TNK1: variants seen among roughly 807,000 people sequenced by gnomAD.
TNK1 encodes tyrosine kinase non receptor 1.
Under a neutral mutation model 65.2 loss-of-function variants are expected in TNK1, and 53 were observed. The observed-to-expected ratio is 0.81, with a 90% CI of 0.65 to 1.02. The LOEUF is 1.02. TNK1 is among the 50% of genes least tolerant of loss of function. The pLI, the probability that TNK1 is intolerant of heterozygous loss-of-function variation, is 0.00. For missense variants in TNK1, 837 were observed against 878.4 expected, an observed-to-expected ratio of 0.95 and a Z score of 0.60; for synonymous variants, 353 against 364.6, an observed-to-expected ratio of 0.97 and a Z score of 0.36.
Position 7,387,104 on chromosome 17 carries a change from C to T in TNK1, c.1347C>T (p.Val449=), listed in dbSNP as rs770525313. Residue 449 remains valine, a synonymous_variant, in exon 9 of 13, where the codon GTC becomes GTT. Coordinates refer to ENST00000688331, the MANE Select transcript of TNK1 (RefSeq NM_003985.6). The part of the protein sequence containing the change: ...DAGGLPATRP[V]HRGTPARGDQ... ...GGGGCTTGCCAGCCACCCGTCCAGT[C>T]CACAGAGGCACCCCTGCCCGGGGAG... The T allele has an allele frequency of 6.2e-7, 1 of 1,609,608 alleles. No individual in the cohort carries two copies. The highest frequency in any genetic ancestry group is 8.5e-7 in the Non-Finnish European group (1 of 1,177,614).
rs1299116029 is a variant in TNK1 at position 7,388,229 on chromosome 17, C to T, written c.1478-177C>T. ...TGGCTTGAGTCCAGGAGTTTGAGAC[C>T]AGCCTGGGCAATGTGCCGAAACCCC... On this transcript the variant is annotated intron_variant, in intron 10 of 12. Transcript: ENST00000688331. This position sits in a 1 kb window ranked among gnomAD's most constrained non-coding sequence, Gnocchi z 4.5. 1.3e-5 allele frequency among the ~76,000 whole-genome samples: 2 copies of T among 152,190 alleles called. No individual in the cohort carries two copies. The highest frequency in any genetic ancestry group is 2.9e-5 in the Non-Finnish European group (2 of 68,038).
intron 7 of TNK1, among the ~76,000 whole-genome samples, chr17:7,385,722 G>GT (rs1905149975): frequency 6.6e-6 from 1 of 151,966 alleles, no homozygotes; most frequent in Non-Finnish European, 1.5e-5. Context: ...CTGCCACCAC[G>GT]CCTGGCTAAT....
At chr17:7,380,262 G>A (rs531838110), upstream of TNK1, among the ~76,000 whole-genome samples, 21 of 152,176 alleles carry the variant, frequency 1.4e-4, no homozygotes, top group Non-Finnish European at 3.1e-4. Flanking sequence ...ATGTTCACGC[G>A]TCCTTCCTTG....
Position 7,389,037 on chromosome 17 carries a change from C to T in TNK1, c.1939C>T (p.Gln647Ter), listed in dbSNP as rs1193582127. Reference sequence around the variant, plus strand: ...CTGCTGGCGCATCCTGGAGCATTACCAGTGGGACCTCTCAGCTGCCAGCCG... The same window carrying T: ...CTGCTGGCGCATCCTGGAGCATTACTAGTGGGACCTCTCAGCTGCCAGCCG... The part of the protein sequence containing the change: ...ADCWRILEHY[Q>*]WDLSAASRYV... The change falls in exon 13 of 13, where the codon CAG becomes TAG. Residue 647 changes from glutamine to a stop codon, truncating the protein, a stop_gained. Coordinates refer to ENST00000688331, the MANE Select transcript of TNK1 (RefSeq NM_003985.6). LOFTEE classifies it high-confidence loss of function. 1.3e-6 allele frequency: 2 copies of T among 1,554,914 alleles called. No homozygotes were observed. Among genetic ancestry groups the T allele is most frequent in the African/African-American group, 1.4e-5 (1 of 73,212 alleles).
chr17:7,388,518 C>T lies in TNK1; in HGVS notation c.1590C>T (p.Gly530=), dbSNP rs1905340702. Residue 530 remains glycine, a synonymous_variant, in exon 11 of 13, where the codon GGC becomes GGT. Transcript: ENST00000688331. This position sits in a 1 kb window ranked among gnomAD's most constrained non-coding sequence, Gnocchi z 4.5. ...GAGCTGTGCCCCAGGGACCTCCAGG[C>T]CTGCCTCCACGCCCACCTTTATCCT... ...QARAVPQGPP[G]LPPRPPLSSS... is the part of the protein sequence containing the mutation. 2 of 1,613,980 alleles carry T rather than the reference C, an allele frequency of 1.2e-6. No homozygotes were observed. The highest frequency in any genetic ancestry group is 1.3e-5 in the African/African-American group (1 of 75,040).
Position 7,389,490 on chromosome 17 carries a change from A to G in TNK1, c.*406A>G. The G allele has an allele frequency of 2.5e-6, 1 of 406,658 alleles. No homozygotes were observed. Among genetic ancestry groups the G allele is most frequent in the Non-Finnish European group, 4.3e-6 (1 of 230,154 alleles). 25.2% of individuals were successfully genotyped at this position (406,658 alleles called of 1,614,324 possible). On this transcript the variant is annotated 3_prime_UTR_variant, in exon 13 of 13. Coordinates refer to ENST00000688331, the MANE Select transcript of TNK1 (RefSeq NM_003985.6). ...CATCAGCTACCACACTGGACTCTGC[A>G]GGGCAGCCATCCTGGATGATGGAAG...
chr17:7,387,515 AC>A (rs1454388478), intron 10 of TNK1, 58 bp downstream of exon 10: 11 of 1,406,214 alleles, frequency 7.8e-6, no homozygotes, highest in Admixed American at 6.6e-5. Flanking sequence ...TTCAATTCCG[AC>A]CCCCTGCCCT....
At chr17:7,387,308 T>G in intron 9 of TNK1, 70 bp from the exon 10 acceptor site, 1 of 1,538,270 alleles carries the variant, frequency 6.5e-7, no homozygotes, top group African/African-American at 1.4e-5. Context: ...TGAGTTTTTT[T>G]GGGAGGGTAT....
Position 7,388,838 on chromosome 17 carries a change from A to G in TNK1, c.1827A>G (p.Leu609=), listed in dbSNP as rs982075344. Residue 609 remains leucine, a synonymous_variant, in exon 12 of 13, where the codon CTA becomes CTG. Coordinates refer to ENST00000688331, the MANE Select transcript of TNK1 (RefSeq NM_003985.6). This position sits in a 1 kb window ranked among gnomAD's most constrained non-coding sequence, Gnocchi z 4.5. ...GVTHQECQTA[L]GATGGDVVSA... is the part of the protein sequence containing the mutation. ...CCCACCAGGAGTGCCAGACAGCACTAGGAGCCACTGGGGGAGATGTGGTTT... is the reference window on the plus strand; with the variant it reads ...CCCACCAGGAGTGCCAGACAGCACTGGGAGCCACTGGGGGAGATGTGGTTT... The G allele has an allele frequency of 3.1e-6, 5 of 1,607,148 alleles. No homozygotes were observed. Among genetic ancestry groups the G allele is most frequent in the African/African-American group, 1.3e-5 (1 of 74,798 alleles).
At chr17:7,383,370 G>A (rs1217739082) in intron 3 of TNK1, 50 bp downstream of exon 3, 1 of 1,613,796 alleles carries the variant, frequency 6.2e-7, no homozygotes, top group African/African-American at 1.3e-5. Context: ...GTGGCTTGAG[G>A]GGCAGGGAGG....
At chr17:7,383,375 G>C (rs767858422) in intron 3 of TNK1, 50 bp from the exon 4 acceptor site, 1 of 1,613,916 alleles carries the variant, frequency 6.2e-7, no homozygotes, top group South Asian at 1.1e-5. Context: ...TTGAGGGGCA[G>C]GGAGGGGGGC....
intron 6 of TNK1, 46 bp from the exon 7 acceptor site, chr17:7,384,438 C>T (rs1424679793): frequency 1.4e-6 from 2 of 1,473,516 alleles, no homozygotes; most frequent in African/African-American, 2.8e-5. Context: ...GGTGGGCCTC[C>T]AAGGAGCACG....
intron 7 of TNK1, among the ~76,000 whole-genome samples, chr17:7,385,713 T>C (rs189015038): frequency 0.039 from 6,003 of 152,090 alleles, 141 homozygotes; most frequent in Middle Eastern, 0.079. Flanking sequence ...TACAGGCGCC[T>C]GCCACCACGC....
At position 7,383,718 on chromosome 17, in the gene TNK1, G is replaced by C; in HGVS notation, c.436G>C (p.Ala146Pro). 2 of 1,612,082 alleles carry C rather than the reference G, an allele frequency of 1.2e-6. No homozygotes were observed. The highest frequency in any genetic ancestry group is 1.7e-6 in the Non-Finnish European group (2 of 1,179,060). The change falls in exon 5 of 13, where the codon GCT (alanine) becomes CCT (proline). Residue 146 changes from alanine to proline, a missense_variant. Coordinates refer to ENST00000688331, the MANE Select transcript of TNK1 (RefSeq NM_003985.6). Reference protein sequence around the residue: ...TLPSGKSVPVAVKSLRVGPEG... With the variant: ...TLPSGKSVPVPVKSLRVGPEG... ...TTCCCCCCACCTCCAGGTCCCAGTG[G>C]CTGTCAAGTCCCTCCGGGTAGGTCC...
At chr17:7,384,275 G>C (rs1208015171) in intron 6 of TNK1, 22 bp downstream of exon 6, 18 of 1,443,562 alleles carry the variant, frequency 1.2e-5, no homozygotes, top group Non-Finnish European at 1.6e-5. Flanking sequence ...TCCGCGGGCG[G>C]TCGGGCTCTG....
Position 7,383,953 on chromosome 17 carries a change from G to C in TNK1, c.583-17G>C. 6.6e-7 allele frequency: 1 copy of C among 1,517,244 alleles called. No homozygotes were observed. Among genetic ancestry groups the C allele is most frequent in the Non-Finnish European group, 8.8e-7 (1 of 1,131,032 alleles). 94.0% of individuals were successfully genotyped at this position (1,517,244 alleles called of 1,614,324 possible). A position where few individuals can be genotyped will look rare whatever the true frequency, so the allele number is the denominator to read the frequency against. On this transcript the variant is annotated splice_polypyrimidine_tract_variant and intron_variant, in intron 5 of 12. Coordinates refer to ENST00000688331, the MANE Select transcript of TNK1 (RefSeq NM_003985.6). ...CCAATGGGTCCGGCTCACGCGGCGC[G>C]GTGTTCCCTCCTGCAGGTGATGGAG...
chr17:7,383,055 T>C lies in TNK1; in HGVS notation c.129T>C (p.Pro43=), dbSNP rs1483743689. The part of the protein sequence containing the change: ...TRPEHFDFVK[P]EDLDGIGMGR... ...CAGAGCACTTCGACTTTGTAAAGCC[T>C]GAGGACCTGGACGGCATTGGCATGG... is the stretch of plus-strand genomic sequence containing the variant. The change falls in exon 2 of 13, where the codon CCT becomes CCC. Residue 43 remains proline, a synonymous_variant. Coordinates refer to ENST00000688331, the MANE Select transcript of TNK1 (RefSeq NM_003985.6). The C allele has an allele frequency of 2.5e-6, 4 of 1,614,032 alleles. No individual in the cohort carries two copies. The highest frequency in any genetic ancestry group is 3.4e-6 in the Non-Finnish European group (4 of 1,179,896).
intron 7 of TNK1, among the ~76,000 whole-genome samples, chr17:7,385,378 A>AAG (rs397732731): frequency 4.5e-4 from 57 of 126,846 alleles, no homozygotes; most frequent in African/African-American, 1.6e-3. Context: ...AAAAAAAAAA[A>AAG]GAAGAAGAAG....
rs533124207 is a variant in TNK1, at chr17:7,386,997, T to C, written c.1240T>C (p.Ser414Pro). The C allele has an allele frequency of 2.6e-4, 405 of 1,568,472 alleles. 2 individuals are homozygous for C. The South Asian group carries it at 4.6e-3, about 18-fold the overall frequency. ...PITVIEGSPD[S>P]TIWKGQNGRT... Reference sequence around the variant, plus strand: ...CAGCTCCTCTTTCCACAGCCCCGACTCCACAATCTGGAAGGGCCAGAATGG... The same window carrying C: ...CAGCTCCTCTTTCCACAGCCCCGACCCCACAATCTGGAAGGGCCAGAATGG... Residue 414 changes from serine to proline, a missense_variant, in exon 9 of 13, where the codon TCC (serine) becomes CCC (proline). By Grantham distance (74) the Ser-to-Pro change is moderately conservative. Transcript: ENST00000688331.
Sources: allele counts gnomAD v4.1 joint callset (sites outside exome capture counted in the v4.1 genomes callset), GRCh38; gene constraint gnomAD v4.1.1; non-coding constraint Gnocchi (gnomAD v3.1); transcripts MANE v1.5; gene names NCBI Gene and HGNC (gene_info 2026-07-23, HGNC 2026-07-21).